The following ISX variants were observed in gnomAD, a reference collection of about 807,000 sequenced individuals.
The protein encoded by ISX is intestine specific homeobox.
ISX carries 15 observed loss-of-function variants against 16.9 expected under a neutral mutation model. The observed-to-expected ratio is 0.89, with a 90% CI of 0.59 to 1.36. ISX has a LOEUF of 1.36. Ranked by LOEUF, ISX falls within the 40% of genes most tolerant of loss-of-function variation. ISX has a pLI of 0.00. For synonymous variants in ISX, 125 were observed against 119.7 expected, an observed-to-expected ratio of 1.04 and a Z score of -0.29; for missense variants, 316 against 306.1, an observed-to-expected ratio of 1.03 and a Z score of -0.24.
Position 35,086,009 on chromosome 22 carries a change from C to A in ISX, c.*316C>A. 1 of 400,428 alleles carries A rather than the reference C, an allele frequency of 2.5e-6. No homozygotes were observed. The highest frequency in any genetic ancestry group is 2.3e-5 in the South Asian group (1 of 42,820). The allele number at this position is 400,428 out of a possible 1,614,324, so 24.8% of individuals were successfully genotyped here. A position where few individuals can be genotyped will look rare whatever the true frequency, so the allele number is the denominator to read the frequency against. ...GTGTTTCCTCTAACTTGCTGTGTGA[C>A]CTCCAGCCGGTCACTCACCCTCTCT... On this transcript the variant is annotated 3_prime_UTR_variant, in exon 5 of 5. Transcript: ENST00000404699.
Position 35,086,055 on chromosome 22 carries a change from G to T in ISX, c.*362G>T, listed in dbSNP as rs1161580068. Reference sequence around the variant, plus strand: ...TCTCTGGACCTCATCTGTAAGAGGAGCCAGCTGGATAAGATGATTTCTGAA... The same window carrying T: ...TCTCTGGACCTCATCTGTAAGAGGATCCAGCTGGATAAGATGATTTCTGAA... On this transcript the variant is annotated 3_prime_UTR_variant, in exon 5 of 5. Transcript: ENST00000404699. The T allele has an allele frequency of 9.2e-6, 3 of 326,894 alleles. No homozygotes were observed. Among genetic ancestry groups the T allele is most frequent in the African/African-American group, 6.4e-5 (3 of 47,032 alleles). The allele number at this position is 326,894 out of a possible 1,614,324, so 20.2% of individuals were successfully genotyped here. A position where few individuals can be genotyped will look rare whatever the true frequency, so the allele number is the denominator to read the frequency against.
intron 3 of ISX, among the ~76,000 whole-genome samples, 176 bp from the exon 4 acceptor site, chr22:35,084,207 C>T (rs1038961067): frequency 1.3e-5 from 2 of 152,264 alleles, no homozygotes; most frequent in South Asian, 4.1e-4. Flanking sequence ...AAGGTGGAAA[C>T]CCCGGTTCCC....
At chr22:35,084,528 G>A (rs779370719) in intron 4 of ISX, 29 bp downstream of exon 4, 2 of 1,454,312 alleles carry the variant, frequency 1.4e-6, no homozygotes, top group Admixed American at 1.7e-5. Context: ...AAGGTAGGGT[G>A]GAGGGAGCCA....
intron 2 of ISX, among the ~76,000 whole-genome samples, chr22:35,075,416 A>C (rs1361603889): frequency 6.6e-6 from 1 of 152,156 alleles, no homozygotes; most frequent in Non-Finnish European, 1.5e-5. Context: ...CTTAGATTTT[A>C]AAATGTTTTG....
Position 35,075,232 on chromosome 22 carries a change from A to G in ISX, c.230-7286A>G, listed in dbSNP as rs552511935. Among the ~76,000 whole-genome samples, 91 of 152,334 alleles carry G rather than the reference A, an allele frequency of 6.0e-4. 3 individuals carry two copies. The South Asian group carries it at 0.018, about 30-fold the overall frequency. On this transcript the variant is annotated intron_variant, in intron 2 of 4. Coordinates refer to ENST00000404699, the MANE Select transcript of ISX (RefSeq NM_001303508.2). ...CCAGGAAAAGGAAAGCCTGTGAAGC[A>G]CCCAAGAGGTATAAAAAGGAATAAT...
At chr22:35,079,011 C>T (rs1266293967) in intron 2 of ISX, among the ~76,000 whole-genome samples, 1 of 152,216 alleles carries the variant, frequency 6.6e-6, no homozygotes, top group Non-Finnish European at 1.5e-5. Context: ...GCACAAGTTG[C>T]ATAGTGGAAC....
At chr22:35,072,446 C>T (rs1157057148) in intron 2 of ISX, among the ~76,000 whole-genome samples, 1 of 152,234 alleles carries the variant, frequency 6.6e-6, no homozygotes, top group African/African-American at 2.4e-5. Flanking sequence ...GTAACTGAAG[C>T]TCAAATCCTT....
rs1228876391 is a variant in ISX at position 35,087,247 on chromosome 22, A to G, written c.*1554A>G. ...AACACCAGGTCTCTAGCACCGCTGGATGAAAGGAGAAGGCTAGAGGCTGAG... is the reference window on the plus strand; with the variant it reads ...AACACCAGGTCTCTAGCACCGCTGGGTGAAAGGAGAAGGCTAGAGGCTGAG... On this transcript the variant is annotated 3_prime_UTR_variant, in exon 5 of 5. Coordinates refer to ENST00000404699, the MANE Select transcript of ISX (RefSeq NM_001303508.2). The G allele has an allele frequency of 2.6e-5, 4 of 152,254 alleles. No homozygotes were observed. The highest frequency in any genetic ancestry group is 4.4e-5 in the Non-Finnish European group (3 of 68,062). 9.4% of individuals were successfully genotyped at this position (152,254 alleles called of 1,614,324 possible).
At chr22:35,077,762 T>C (rs1235468661) in intron 2 of ISX, among the ~76,000 whole-genome samples, 1 of 152,148 alleles carries the variant, frequency 6.6e-6, no homozygotes. Flanking sequence ...AGCAGTCAGG[T>C]TGTTTTGCAG....
chr22:35,083,852 G>C (rs1348547916), intron 3 of ISX, among the ~76,000 whole-genome samples: 1 of 152,224 alleles, frequency 6.6e-6, no homozygotes, highest in Non-Finnish European at 1.5e-5. Flanking sequence ...ATGGCCACAA[G>C]TCAGGGACCA....
At position 35,081,584 on chromosome 22, in the gene ISX, G is replaced by A. The variant is rs5755570; in HGVS notation, c.230-934G>A. On this transcript the variant is annotated intron_variant, in intron 2 of 4. Coordinates refer to ENST00000404699, the MANE Select transcript of ISX (RefSeq NM_001303508.2). ...TCAACTGTTTCCCTGCTGCTACCCA[G>A]CAACTACTGCTCCCTCCATCTTGGT... Among the ~76,000 whole-genome samples, 88 of 152,238 alleles carry A rather than the reference G, an allele frequency of 5.8e-4. 2 individuals are homozygous for A. Among genetic ancestry groups the A allele is most frequent in the African/African-American group, 2.0e-3 (81 of 41,528 alleles).
At chr22:35,075,618 A>G (rs1928960179) in intron 2 of ISX, among the ~76,000 whole-genome samples, 1 of 152,198 alleles carries the variant, frequency 6.6e-6, no homozygotes, top group Non-Finnish European at 1.5e-5. Context: ...AATTTTTTTA[A>G]ATACGTAAGT....
At chr22:35,075,087 C>A (rs1928947142) in intron 2 of ISX, among the ~76,000 whole-genome samples, 1 of 152,148 alleles carries the variant, frequency 6.6e-6, no homozygotes, top group African/African-American at 2.4e-5. Context: ...ACAAACCTAA[C>A]AAAGTGCTTT....
intron 2 of ISX, among the ~76,000 whole-genome samples, chr22:35,069,657 A>G (rs1201582464): frequency 6.6e-6 from 1 of 152,056 alleles, no homozygotes; most frequent in Non-Finnish European, 1.5e-5. Context: ...GCCTCTCCCT[A>G]CCCTCACAGG....
rs144857948 is a variant in ISX, at chr22:35,067,986, G to A, written c.229+670G>A. On this transcript the variant is annotated intron_variant, in intron 2 of 4. Transcript: ENST00000404699. ...CTGGCTTGAGGAAGGGAGGAAAGCC[G>A]CACTGGGGCATTGGTGTGGACGCAC... Among the ~76,000 whole-genome samples the A allele has an allele frequency of 4.9e-3, 745 of 152,312 alleles. 6 individuals carry two copies. The highest frequency in any genetic ancestry group is 8.3e-3 in the Non-Finnish European group (567 of 68,018).
At chr22:35,075,783 G>A (rs1373499439) in intron 2 of ISX, among the ~76,000 whole-genome samples, 1 of 152,120 alleles carries the variant, frequency 6.6e-6, no homozygotes, top group Non-Finnish European at 1.5e-5. Context: ...GTCACCCCGG[G>A]GAGTGGCACT....
At position 35,085,780 on chromosome 22, in the gene ISX, G is replaced by T; in HGVS notation, c.*87G>T. The T allele has an allele frequency of 6.4e-7, 1 of 1,567,050 alleles. No individual in the cohort carries two copies. Among genetic ancestry groups the T allele is most frequent in the East Asian group, 2.2e-5 (1 of 44,460 alleles). ...TGTGCCCTGGGCCTCTGGGGAAATCGATTTCACAATCCAAAAATGGCCCAC... is the reference window on the plus strand; with the variant it reads ...TGTGCCCTGGGCCTCTGGGGAAATCTATTTCACAATCCAAAAATGGCCCAC... On this transcript the variant is annotated 3_prime_UTR_variant, in exon 5 of 5. Transcript: ENST00000404699.
chr22:35,083,293 C>A (rs549466285), intron 3 of ISX, among the ~76,000 whole-genome samples: 43 of 152,240 alleles, frequency 2.8e-4, no homozygotes, highest in African/African-American at 1.0e-3. Context: ...CTGTAGGCCG[C>A]AGTTTGTCAA....
Position 35,085,853 on chromosome 22 carries a change from C to T in ISX, c.*160C>T. The T allele has an allele frequency of 1.2e-6, 1 of 803,954 alleles. No homozygotes were observed. Among genetic ancestry groups the T allele is most frequent in the South Asian group, 1.7e-5 (1 of 57,628 alleles). 49.8% of individuals were successfully genotyped at this position (803,954 alleles called of 1,614,324 possible). A position where few individuals can be genotyped will look rare whatever the true frequency, so the allele number is the denominator to read the frequency against. On this transcript the variant is annotated 3_prime_UTR_variant, in exon 5 of 5. Coordinates refer to ENST00000404699, the MANE Select transcript of ISX (RefSeq NM_001303508.2). ...ATGCCAGTTGGAAGGCTGCACCAGA[C>T]TCAAAAGCAAACTAAACAATAAAGG... is the stretch of plus-strand genomic sequence containing the variant.
Sources: allele counts gnomAD v4.1 joint callset (sites outside exome capture counted in the v4.1 genomes callset), GRCh38; gene constraint gnomAD v4.1.1; transcripts MANE v1.5; gene names NCBI Gene and HGNC (gene_info 2026-07-23, HGNC 2026-07-21).